Variants in SNX3 observed in about 807,000 individuals in gnomAD.
The protein encoded by SNX3 is sorting nexin-3.
Under a neutral mutation model 17.7 loss-of-function variants are expected in SNX3, and 5 were observed. That is an observed-to-expected ratio of 0.28 (90% confidence interval 0.15 to 0.59). The LOEUF is 0.59. SNX3 is among the 20% of genes least tolerant of loss of function. SNX3 has a pLI of 0.88. For synonymous variants in SNX3, 91 were observed against 76.5 expected (o/e 1.19, Z -0.99); for missense variants, 132 against 206.8 (o/e 0.64, Z 2.22).
intron 2 of SNX3, among the ~76,000 whole-genome samples, chr6:108,220,898 T>C (rs1023851841): frequency 2.0e-5 from 3 of 151,990 alleles, no homozygotes; most frequent in Non-Finnish European, 4.4e-5. Flanking sequence ...GGAGAATTGC[T>C]TGAACCCCGG....
chr6:108,247,375 A>AT (rs1175160654), intron 1 of SNX3, among the ~76,000 whole-genome samples: 2 of 151,772 alleles, frequency 1.3e-5, no homozygotes, highest in African/African-American at 4.8e-5. Context: ...TCTAGGATGT[A>AT]TTTTTTGAGT....
rs189769940 is a variant in SNX3 at position 108,236,697 on chromosome 6, A to C, written c.163-13652T>G. Among the ~76,000 whole-genome samples, 5 of 152,154 alleles carry C rather than the reference A, an allele frequency of 3.3e-5. No homozygotes were observed. The East Asian group carries it at 9.7e-4, about 29-fold the overall frequency. Reference sequence around the variant, plus strand: ...GCCACCGTGCCCGGCTTCCACCTATATTATAAAAGAACAAAACTAAGCTGT... The same window carrying C: ...GCCACCGTGCCCGGCTTCCACCTATCTTATAAAAGAACAAAACTAAGCTGT... On this transcript the variant is annotated intron_variant, in intron 1 of 3. Transcript: ENST00000230085.
intron 1 of SNX3, among the ~76,000 whole-genome samples, chr6:108,259,954 G>A (rs1190800581): frequency 1.3e-5 from 2 of 152,206 alleles, no homozygotes; most frequent in African/African-American, 4.8e-5. Flanking sequence ...TAGAGTGAAA[G>A]TGAAGCACTA....
At chr6:108,259,860 A>C (rs577496948) in intron 1 of SNX3, among the ~76,000 whole-genome samples, 1 of 152,324 alleles carries the variant, frequency 6.6e-6, no homozygotes, top group African/African-American at 2.4e-5. Context: ...CTTAACTTTT[A>C]ATAATTTGCT....
intron 1 of SNX3, among the ~76,000 whole-genome samples, chr6:108,258,667 A>G (rs917106447): frequency 1.3e-4 from 19 of 151,644 alleles, no homozygotes; most frequent in African/African-American, 4.6e-4. Context: ...GCGCGCCACC[A>G]CGCCCAACTA....
At chr6:108,250,427 A>G (rs1349857730) in intron 1 of SNX3, among the ~76,000 whole-genome samples, 8 of 152,210 alleles carry the variant, frequency 5.3e-5, no homozygotes, top group Admixed American at 5.2e-4. Flanking sequence ...AACTTTATTT[A>G]TAAAAAAAGG....
chr6:108,226,747 A>T (rs1774984694), intron 1 of SNX3, among the ~76,000 whole-genome samples: 1 of 152,150 alleles, frequency 6.6e-6, no homozygotes, highest in Non-Finnish European at 1.5e-5. Context: ...CCTTAAATCC[A>T]TTTTGTAGTG....
chr6:108,243,417 A>G (rs2063834086), intron 1 of SNX3, among the ~76,000 whole-genome samples: 1 of 152,254 alleles, frequency 6.6e-6, no homozygotes, highest in African/African-American at 2.4e-5. Flanking sequence ...ACAAGCCTTC[A>G]TGGTTAGCAG....
chr6:108,247,776 C>G (rs1029972090), intron 1 of SNX3, among the ~76,000 whole-genome samples: 2 of 151,918 alleles, frequency 1.3e-5, no homozygotes, highest in Non-Finnish European at 2.9e-5. Context: ...GTGAAAGTGC[C>G]TACCATACCG....
chr6:108,249,451 T>C (rs544173749), intron 1 of SNX3, among the ~76,000 whole-genome samples: 1 of 152,198 alleles, frequency 6.6e-6, no homozygotes, highest in Non-Finnish European at 1.5e-5. Flanking sequence ...AATTAATTAA[T>C]TCTGGCTAGA....
At chr6:108,226,046 CAAAAAAAAAAA>C (rs35559458) in intron 1 of SNX3, among the ~76,000 whole-genome samples, 2 of 63,230 alleles carry the variant, frequency 3.2e-5, no homozygotes, top group African/African-American at 5.9e-5. Flanking sequence ...CCCTCTCTCT[CAAAAAAAAAAA>C]AAAAAAAAAA....
chr6:108,240,626 G>C (rs1393499686), intron 1 of SNX3, among the ~76,000 whole-genome samples: 1 of 152,202 alleles, frequency 6.6e-6, no homozygotes, highest in African/African-American at 2.4e-5. Flanking sequence ...CACCATCACT[G>C]CTGGAGGGGG....
intron 2 of SNX3, among the ~76,000 whole-genome samples, chr6:108,221,126 A>C (rs578024925): frequency 6.6e-6 from 1 of 152,282 alleles, no homozygotes; most frequent in African/African-American, 2.4e-5. Context: ...TTTCTACTAC[A>C]ATCTTATGAA....
At chr6:108,245,238 G>C (rs996442377) in intron 1 of SNX3, among the ~76,000 whole-genome samples, 1 of 152,076 alleles carries the variant, frequency 6.6e-6, no homozygotes, top group African/African-American at 2.4e-5. Flanking sequence ...GTGTTAGTTT[G>C]CTGAGGATGA....
At chr6:108,222,858 A>G in intron 2 of SNX3, 92 bp downstream of exon 2, 1 of 759,402 alleles carries the variant, frequency 1.3e-6, no homozygotes, top group East Asian at 2.6e-5. Context: ...ATTTGCTTTT[A>G]CCCATTTTAT....
At chr6:108,251,178 T>C (rs1775845646) in intron 1 of SNX3, among the ~76,000 whole-genome samples, 1 of 152,116 alleles carries the variant, frequency 6.6e-6, no homozygotes, top group Non-Finnish European at 1.5e-5. Flanking sequence ...TTTCTCAACT[T>C]AACAAAATTA....
intron 1 of SNX3, among the ~76,000 whole-genome samples, chr6:108,226,653 C>T (rs1774981909): frequency 6.6e-6 from 1 of 152,164 alleles, no homozygotes; most frequent in African/African-American, 2.4e-5. Context: ...ATATTCACTC[C>T]TAAGAAAGTT....
In SNX3 at chr6:108,233,925, G is replaced by A. The variant is rs558039165; in HGVS notation, c.163-10880C>T. Among the ~76,000 whole-genome samples, 3 of 152,288 alleles carry A rather than the reference G, an allele frequency of 2.0e-5. No homozygotes were observed. The South Asian group carries it at 6.2e-4, about 32-fold the overall frequency. On this transcript the variant is annotated intron_variant, in intron 1 of 3. Transcript: ENST00000230085. The stretch of plus-strand genomic sequence containing the variant: ...GTAAAGTCATTATAAGTAAAACTGT[G>A]ATGTGGAAGCCAGTTAAAGAATATT...
In SNX3 at chr6:108,214,652, C is replaced by A; in HGVS notation, c.259-30G>T. ...AATGTGAAGACAGAAACTCCTTGAT[C>A]ATGATGACTGGGTTGTGAAAATTTA... On this transcript the variant is annotated intron_variant, in intron 2 of 3. Transcript: ENST00000230085. The A allele has an allele frequency of 1.9e-6, 3 of 1,601,642 alleles. No homozygotes were observed. In the South Asian group the frequency reaches 3.4e-5, roughly 18 times the overall value.
Sources: gnomAD v4.1 joint callset for allele counts (sites outside exome capture counted in the v4.1 genomes callset) on GRCh38, gnomAD v4.1.1 for gene constraint, MANE v1.5 for transcripts, NCBI Gene and HGNC (gene_info 2026-07-23, HGNC 2026-07-21) for gene names.